MAP3K5: variants seen among roughly 807,000 people sequenced by gnomAD.
MAP3K5 encodes mitogen-activated protein kinase kinase kinase 5.
MAP3K5 carries 56 observed loss-of-function variants against 158.7 expected under a neutral mutation model. The ratio of observed to expected loss-of-function variants is 0.35; its 90% CI spans 0.28 to 0.44. The LOEUF (loss-of-function observed/expected upper bound fraction) is 0.44. Ranked by LOEUF, MAP3K5 falls within the 20% of genes least tolerant of loss-of-function variation. The pLI, the probability that MAP3K5 is intolerant of heterozygous loss-of-function variation, is 1.00. For synonymous variants in MAP3K5, 579 were observed against 601.7 expected (o/e 0.96, Z 0.55); for missense variants, 1,294 against 1,674.8 (o/e 0.77, Z 3.97).
At chr6:136,702,857 G>T (rs1780910990) in intron 3 of MAP3K5, among the ~76,000 whole-genome samples, 1 of 152,060 alleles carries the variant, frequency 6.6e-6, no homozygotes, top group Non-Finnish European at 1.5e-5. Context: ...CACCACACTT[G>T]GCTACTTGTT....
chr6:136,663,020 T>C (rs1779072852), intron 8 of MAP3K5, among the ~76,000 whole-genome samples: 2 of 152,238 alleles, frequency 1.3e-5, no homozygotes, highest in African/African-American at 4.8e-5. Flanking sequence ...TGTTATTATG[T>C]TCAAGGCTGT....
chr6:136,642,962 C>T (rs887627449), intron 11 of MAP3K5, among the ~76,000 whole-genome samples: 8 of 152,074 alleles, frequency 5.3e-5, no homozygotes, highest in African/African-American at 1.2e-4. Flanking sequence ...AATAACATCT[C>T]GGCAAGGTTT....
rs930496526 is a variant in MAP3K5 at position 136,736,371 on chromosome 6, C to T, written c.449-15782G>A. On this transcript the variant is annotated intron_variant, in intron 1 of 29. Coordinates refer to ENST00000359015, the MANE Select transcript of MAP3K5 (RefSeq NM_005923.4). ...GTGCAATAGTTTTTGTTCAAATTTA[C>T]TTCTTCTAATAGTATCTGTAATTCT... Among the ~76,000 whole-genome samples, 7 of 152,140 alleles carry T rather than the reference C, an allele frequency of 4.6e-5. 1 individual carries two copies. Among genetic ancestry groups the T allele is most frequent in the African/African-American group, 1.7e-4 (7 of 41,436 alleles).
At chr6:136,611,125 A>G (rs1312849805) in intron 18 of MAP3K5, among the ~76,000 whole-genome samples, 157 bp downstream of exon 18, 1 of 150,310 alleles carries the variant, frequency 6.7e-6, no homozygotes, top group Non-Finnish European at 1.5e-5. Context: ...AAAAAAAAAA[A>G]AAAAAAAAAG....
intron 24 of MAP3K5, among the ~76,000 whole-genome samples, chr6:136,580,874 G>A (rs1268008794): frequency 6.6e-6 from 1 of 151,780 alleles, no homozygotes; most frequent in Non-Finnish European, 1.5e-5. Flanking sequence ...GAGTGCAGTG[G>A]CGGGATCATG....
chr6:136,686,065 T>C (rs774612982), intron 7 of MAP3K5, among the ~76,000 whole-genome samples: 2 of 152,164 alleles, frequency 1.3e-5, no homozygotes, highest in African/African-American at 2.4e-5. Flanking sequence ...CATTTTAAGA[T>C]TGGGGAGTGG....
At chr6:136,754,269 TA>T (rs374693237) in intron 1 of MAP3K5, among the ~76,000 whole-genome samples, 115 of 131,690 alleles carry the variant, frequency 8.7e-4, no homozygotes, top group Middle Eastern at 4.3e-3. Flanking sequence ...CAAGACTCGA[TA>T]AAAAAAAAAA....
At chr6:136,699,474 G>A (rs1583439775) in intron 3 of MAP3K5, among the ~76,000 whole-genome samples, 2 of 152,192 alleles carry the variant, frequency 1.3e-5, no homozygotes, top group East Asian at 3.9e-4. Flanking sequence ...TTGCTCTTGG[G>A]AGAAAGAAGA....
chr6:136,634,730 C>T (rs539507382), intron 14 of MAP3K5, among the ~76,000 whole-genome samples: 1 of 151,924 alleles, frequency 6.6e-6, no homozygotes, highest in Admixed American at 6.6e-5. Context: ...CAGGTGCACG[C>T]CACCATGCTC....
intron 15 of MAP3K5, among the ~76,000 whole-genome samples, chr6:136,619,320 C>A (rs1776702492): frequency 6.6e-6 from 1 of 152,152 alleles, no homozygotes; most frequent in South Asian, 2.1e-4. Context: ...AAGCAGATCA[C>A]CTATGGCCTT....
intron 2 of MAP3K5, among the ~76,000 whole-genome samples, chr6:136,711,247 G>A (rs1781294154): frequency 6.6e-6 from 1 of 152,054 alleles, no homozygotes; most frequent in Non-Finnish European, 1.5e-5. Context: ...GAAATCTGTG[G>A]ATAGACTGAG....
intron 25 of MAP3K5, chr6:136,579,940 T>C (rs1436581170): frequency 2.2e-6 from 1 of 451,722 alleles, no homozygotes; most frequent in Non-Finnish European, 4.4e-6. Context: ...CCTCCTTAAA[T>C]TGCTCAATAC....
At chr6:136,633,869 G>A (rs890087334) in intron 14 of MAP3K5, among the ~76,000 whole-genome samples, 1 of 152,116 alleles carries the variant, frequency 6.6e-6, no homozygotes, top group Non-Finnish European at 1.5e-5. Context: ...ATTTTGTTCT[G>A]GGCCAAGGTA....
intron 7 of MAP3K5, among the ~76,000 whole-genome samples, chr6:136,691,074 A>G (rs1338688727): frequency 6.6e-6 from 1 of 151,904 alleles, no homozygotes; most frequent in Non-Finnish European, 1.5e-5. Context: ...CTTCTTTCTT[A>G]GGCTGCATTT....
intron 1 of MAP3K5, among the ~76,000 whole-genome samples, chr6:136,752,017 C>A (rs779320064): frequency 6.6e-6 from 1 of 152,148 alleles, no homozygotes; most frequent in African/African-American, 2.4e-5. Flanking sequence ...CATTCTAGAG[C>A]CTTTTTCTCA....
rs1159009847 is a variant in MAP3K5, at chr6:136,639,653, C to A, written c.1839-15G>T. The A allele has an allele frequency of 2.3e-6, 3 of 1,329,240 alleles. No homozygotes were observed. Among genetic ancestry groups the A allele is most frequent in the Admixed American group, 2.0e-5 (1 of 49,108 alleles). 82.3% of individuals were successfully genotyped at this position (1,329,240 alleles called of 1,614,324 possible). On this transcript the variant is annotated splice_polypyrimidine_tract_variant and intron_variant, in intron 12 of 29. Transcript: ENST00000359015. ...ATTTAGAAATACTGAAACCAACAAA[C>A]AAAAAGGCATTATTCAGAGAACTAT...
At chr6:136,701,267 C>T (rs1353478607) in intron 3 of MAP3K5, among the ~76,000 whole-genome samples, 2 of 152,168 alleles carry the variant, frequency 1.3e-5, no homozygotes, top group Non-Finnish European at 2.9e-5. Context: ...CTGTATGAGC[C>T]AAATGACTAT....
At chr6:136,767,560 G>A (rs1172298961) in intron 1 of MAP3K5, among the ~76,000 whole-genome samples, 1 of 151,996 alleles carries the variant, frequency 6.6e-6, no homozygotes, top group African/African-American at 2.4e-5. Context: ...CTTGAGTCCA[G>A]CTGTCATGAA....
chr6:136,707,013 T>C (rs528317004), intron 2 of MAP3K5, among the ~76,000 whole-genome samples: 2 of 152,226 alleles, frequency 1.3e-5, no homozygotes, highest in African/African-American at 2.4e-5. Context: ...CTGGGTGTCG[T>C]GGCACACACC....
Sources: allele counts gnomAD v4.1 joint callset (sites outside exome capture counted in the v4.1 genomes callset), GRCh38; gene constraint gnomAD v4.1.1; transcripts MANE v1.5; gene names NCBI Gene and HGNC (gene_info 2026-07-23, HGNC 2026-07-21).